Variants in TNS3 observed in about 807,000 individuals in gnomAD.
The protein encoded by TNS3 is tensin-3.
A neutral mutation model predicts 140.9 loss-of-function variants in TNS3; 45 were observed. The observed-to-expected ratio is 0.32, with a 90% CI of 0.25 to 0.41. TNS3 has a LOEUF of 0.41. Ranked by LOEUF, TNS3 falls within the 10% of genes least tolerant of loss-of-function variation. TNS3 has a pLI of 1.00. For missense variants in TNS3, 1,716 were observed against 1,906.7 expected, an observed-to-expected ratio of 0.90 and a Z score of 1.86; for synonymous variants, 815 against 788.4, an observed-to-expected ratio of 1.03 and a Z score of -0.56.
At chr7:47,356,791 CAG>C (rs758808881) in intron 17 of TNS3, among the ~76,000 whole-genome samples, 130 of 152,174 alleles carry the variant, frequency 8.5e-4, no homozygotes, top group Admixed American at 2.4e-3. Flanking sequence ...ATAGAAAAAA[CAG>C]GGGCCGGGCA....
chr7:47,377,125 A>G (rs982217999), intron 16 of TNS3, among the ~76,000 whole-genome samples: 4 of 152,202 alleles, frequency 2.6e-5, no homozygotes, highest in African/African-American at 9.7e-5. Context: ...CAAATGACTC[A>G]CTTGGGGCCG....
At chr7:47,538,363 T>C (rs1360217973) in intron 1 of TNS3, among the ~76,000 whole-genome samples, 1 of 152,140 alleles carries the variant, frequency 6.6e-6, no homozygotes, top group Non-Finnish European at 1.5e-5. Flanking sequence ...CAGAGCAGGA[T>C]AGGGGGCCTT....
At position 47,276,090 on chromosome 7, in the gene TNS3, T is replaced by A; in HGVS notation, c.*1986A>T. On this transcript the variant is annotated 3_prime_UTR_variant, in exon 31 of 31. Transcript: ENST00000311160. ...CCTGTGGCCACATTCCTGCAGTGGA[T>A]GAAAAACCGAGATGCTAGAGGCCTC... The A allele has an allele frequency of 3.6e-6, 1 of 280,882 alleles. No homozygotes were observed. The highest frequency in any genetic ancestry group is 3.5e-5 in the South Asian group (1 of 28,734). The allele number at this position is 280,882 out of a possible 1,614,324, so 17.4% of individuals were successfully genotyped here. A position where few individuals can be genotyped will look rare whatever the true frequency, so the allele number is the denominator to read the frequency against.
At chr7:47,465,290 C>A (rs892194078) in intron 4 of TNS3, among the ~76,000 whole-genome samples, 7 of 152,196 alleles carry the variant, frequency 4.6e-5, no homozygotes, top group Non-Finnish European at 1.0e-4. Flanking sequence ...CAATGCCACA[C>A]AGGAGACTTG....
chr7:47,525,486 T>C (rs1799159182), intron 2 of TNS3, among the ~76,000 whole-genome samples: 1 of 152,222 alleles, frequency 6.6e-6, no homozygotes, highest in Non-Finnish European at 1.5e-5. Flanking sequence ...GGGCACTATT[T>C]ATTCCCTCTC....
chr7:47,427,072 GC>G (rs2151489799), intron 9 of TNS3, among the ~76,000 whole-genome samples: 1 of 141,204 alleles, frequency 7.1e-6, no homozygotes, highest in African/African-American at 2.6e-5. Context: ...GTGGCAGTAA[GC>G]CAAGATTGCA....
chr7:47,418,526 G>T (rs1338286549), intron 10 of TNS3, among the ~76,000 whole-genome samples: 1 of 152,154 alleles, frequency 6.6e-6, no homozygotes, highest in Non-Finnish European at 1.5e-5. Flanking sequence ...AGTCAACACA[G>T]TTTTCAGAGC....
chr7:47,404,011 A>T (rs1362863469), intron 13 of TNS3, among the ~76,000 whole-genome samples: 1 of 152,232 alleles, frequency 6.6e-6, no homozygotes, highest in Admixed American at 6.5e-5. Context: ...TCCGGCTTTA[A>T]CTTTATTTAC....
intron 1 of TNS3, among the ~76,000 whole-genome samples, chr7:47,566,637 G>C (rs1800433771): frequency 6.6e-6 from 1 of 152,208 alleles, no homozygotes; most frequent in African/African-American, 2.4e-5. Flanking sequence ...GGCCATCCTT[G>C]TATGTTAAAA....
At chr7:47,427,758 G>A (rs1038214489) in intron 9 of TNS3, among the ~76,000 whole-genome samples, 1 of 152,246 alleles carries the variant, frequency 6.6e-6, no homozygotes, top group Admixed American at 6.5e-5. Flanking sequence ...CTCCTAGGCT[G>A]TGAGATCATG....
At chr7:47,578,852 C>G (rs1784461158) in intron 1 of TNS3, among the ~76,000 whole-genome samples, 1 of 152,220 alleles carries the variant, frequency 6.6e-6, no homozygotes, top group South Asian at 2.1e-4. Context: ...AGCCCCACGG[C>G]AGGACACGGG....
chr7:47,325,778 C>G (rs1339487845), intron 20 of TNS3, among the ~76,000 whole-genome samples: 2 of 152,206 alleles, frequency 1.3e-5, no homozygotes, highest in African/African-American at 4.8e-5. Flanking sequence ...GTAAGACCAC[C>G]TTCCATGCAT....
chr7:47,404,963 G>A (rs993675702), intron 13 of TNS3, among the ~76,000 whole-genome samples: 6 of 152,162 alleles, frequency 3.9e-5, no homozygotes, highest in African/African-American at 7.2e-5. Context: ...GACCAGGAAC[G>A]GAGCCCTGCC....
intron 20 of TNS3, among the ~76,000 whole-genome samples, chr7:47,325,406 C>A (rs1181745157): frequency 1.3e-5 from 2 of 152,172 alleles, no homozygotes; most frequent in Non-Finnish European, 2.9e-5. Context: ...TCCATTCTAC[C>A]TGAGGCTAAT....
chr7:47,411,423 G>A (rs933363810), intron 13 of TNS3, among the ~76,000 whole-genome samples: 4 of 152,000 alleles, frequency 2.6e-5, no homozygotes, highest in Admixed American at 2.6e-4. Flanking sequence ...TAGATCGCTC[G>A]CATACACAGT....
At chr7:47,402,947 C>T (rs1162381446) in intron 13 of TNS3, among the ~76,000 whole-genome samples, 1 of 152,220 alleles carries the variant, frequency 6.6e-6, no homozygotes, top group Non-Finnish European at 1.5e-5. Context: ...CCAACATTTG[C>T]CCACAGGAGT....
At chr7:47,281,614 C>G (rs957405646) in intron 28 of TNS3, among the ~76,000 whole-genome samples, 5 of 152,190 alleles carry the variant, frequency 3.3e-5, no homozygotes, top group Non-Finnish European at 7.3e-5. Context: ...CCCCTTTTGT[C>G]TAGAATTAGC....
At chr7:47,292,739 TC>T in intron 26 of TNS3, 88 bp downstream of exon 26, 1 of 1,190,296 alleles carries the variant, frequency 8.4e-7, no homozygotes, top group African/African-American at 1.5e-5. Flanking sequence ...TTATTATTTT[TC>T]TCAGTGGATC....
intron 9 of TNS3, among the ~76,000 whole-genome samples, chr7:47,427,401 T>C (rs758766849): frequency 6.6e-6 from 1 of 152,174 alleles, no homozygotes; most frequent in Non-Finnish European, 1.5e-5. Context: ...TCCTTGGTGC[T>C]AGAAAGGAAA....
Sources: gnomAD v4.1 joint callset for allele counts (sites outside exome capture counted in the v4.1 genomes callset) on GRCh38, gnomAD v4.1.1 for gene constraint, MANE v1.5 for transcripts, NCBI Gene and HGNC (gene_info 2026-07-23, HGNC 2026-07-21) for gene names.